Variants in MYO3A observed in about 807,000 individuals in gnomAD.
MYO3A encodes myosin IIIA.
A neutral mutation model predicts 192.7 loss-of-function variants in MYO3A; 180 were observed. That is an observed-to-expected ratio of 0.93 (90% confidence interval 0.83 to 1.06). The LOEUF (loss-of-function observed/expected upper bound fraction) is 1.06. Among genes scored for constraint, MYO3A ranks in the 50% least tolerant of loss-of-function variants. MYO3A has a pLI of 0.00. For synonymous variants in MYO3A, 628 were observed against 645.3 expected (o/e 0.97, Z 0.41); for missense variants, 1,896 against 1,905.0 (o/e 1.00, Z 0.09).
At chr10:26,166,204 AAAAT>A (rs749114754) in intron 27 of MYO3A, 26 bp downstream of exon 27, 1 of 1,524,900 alleles carries the variant, frequency 6.6e-7, no homozygotes, top group Non-Finnish European at 9.1e-7. Flanking sequence ...AATTTTCAGG[AAAAT>A]AAATAATTAT....
intron 14 of MYO3A, among the ~76,000 whole-genome samples, chr10:26,075,750 G>GAT (rs1238427717): frequency 3.6e-4 from 49 of 136,182 alleles, no homozygotes; most frequent in Non-Finnish European, 5.7e-4. Context: ...TCATATATAT[G>GAT]ATATATATAT....
intron 8 of MYO3A, chr10:26,022,626 T>C (rs1480026017): frequency 1.3e-5 from 2 of 152,208 alleles, no homozygotes; most frequent in Non-Finnish European, 2.9e-5. Context: ...GGAAAACCTC[T>C]ATACTAAATC....
chr10:25,969,805 A>G (rs570712151), intron 4 of MYO3A, among the ~76,000 whole-genome samples: 34 of 152,152 alleles, frequency 2.2e-4, no homozygotes, highest in Non-Finnish European at 4.3e-4. Context: ...CCAACTACAA[A>G]CACACTTTAA....
At chr10:25,985,919 C>T (rs934602717) in intron 4 of MYO3A, among the ~76,000 whole-genome samples, 2 of 151,756 alleles carry the variant, frequency 1.3e-5, no homozygotes, top group Non-Finnish European at 3.0e-5. Context: ...CAGAAGAAAA[C>T]TGCATATCCC....
intron 4 of MYO3A, among the ~76,000 whole-genome samples, chr10:25,975,277 C>T (rs1053400529): frequency 3.9e-5 from 6 of 152,144 alleles, no homozygotes; most frequent in African/African-American, 1.4e-4. Flanking sequence ...GCCAGAACCA[C>T]TCCAGGATCA....
chr10:25,998,054 A>G (rs986073821), intron 6 of MYO3A, among the ~76,000 whole-genome samples: 1 of 152,134 alleles, frequency 6.6e-6, no homozygotes, highest in Non-Finnish European at 1.5e-5. Flanking sequence ...ACCTGTGTAT[A>G]CTTCCTTGTT....
At chr10:26,000,677 CTT>C (rs11311143) in intron 6 of MYO3A, among the ~76,000 whole-genome samples, 6,537 of 148,240 alleles carry the variant, frequency 0.044, 179 homozygotes, top group Middle Eastern at 0.07. Flanking sequence ...GTGAGATGAG[CTT>C]TTTTTTTTTT....
intron 4 of MYO3A, among the ~76,000 whole-genome samples, chr10:25,985,420 A>G (rs565915663): frequency 1.3e-5 from 2 of 152,100 alleles, no homozygotes; most frequent in African/African-American, 2.4e-5. Flanking sequence ...AAAACAACAG[A>G]TAAATGAAAT....
At chr10:26,150,206 A>G (rs952546793) in intron 23 of MYO3A, among the ~76,000 whole-genome samples, 3 of 152,162 alleles carry the variant, frequency 2.0e-5, no homozygotes, top group African/African-American at 7.2e-5. Flanking sequence ...GTCATGATGC[A>G]TTGTACTTTT....
At chr10:26,037,694 T>G (rs1843112615) in intron 10 of MYO3A, among the ~76,000 whole-genome samples, 1 of 152,156 alleles carries the variant, frequency 6.6e-6, no homozygotes, top group Admixed American at 6.5e-5. Flanking sequence ...TAAAGAGGTT[T>G]AATTGACTCA....
At chr10:25,981,665 G>C (rs1407480948) in intron 4 of MYO3A, among the ~76,000 whole-genome samples, 3 of 152,228 alleles carry the variant, frequency 2.0e-5, no homozygotes, top group African/African-American at 7.2e-5. Flanking sequence ...TGGCAAATAA[G>C]TACATGAAAA....
At position 26,106,563 on chromosome 10, in the gene MYO3A, T is replaced by A. The variant is rs562667968; in HGVS notation, c.1776+9881T>A. Among the ~76,000 whole-genome samples the A allele has an allele frequency of 2.2e-4, 33 of 152,242 alleles. No individual in the cohort carries two copies. In the East Asian group the frequency reaches 4.0e-3, roughly 19 times the overall value. ...CAATATTAAGTAATAATGATTATAG[T>A]TGGCCTCTGAGTCTAGTTTCTGATT... On this transcript the variant is annotated intron_variant, in intron 17 of 34. Coordinates refer to ENST00000642920, the MANE Select transcript of MYO3A (RefSeq NM_017433.5).
chr10:26,080,993 C>T (rs1358131455), intron 14 of MYO3A, among the ~76,000 whole-genome samples: 4 of 152,138 alleles, frequency 2.6e-5, no homozygotes, highest in Non-Finnish European at 5.9e-5. Flanking sequence ...AGTTTCTTAG[C>T]TTTGGTGGTT....
chr10:26,050,310 A>G (rs1843913476), intron 10 of MYO3A, among the ~76,000 whole-genome samples: 2 of 152,188 alleles, frequency 1.3e-5, no homozygotes, highest in African/African-American at 2.4e-5. Context: ...AAAAACAATC[A>G]TACACTCACC....
chr10:25,970,789 TA>T (rs1463985519), intron 4 of MYO3A, among the ~76,000 whole-genome samples: 1 of 151,930 alleles, frequency 6.6e-6, no homozygotes, highest in Non-Finnish European at 1.5e-5. Flanking sequence ...AATGAAATAT[TA>T]TGAACAACTT....
rs1409911218 is a variant in MYO3A, at chr10:26,147,540, C to T, written c.2616C>T (p.Asn872=). 5 of 1,613,912 alleles carry T rather than the reference C, an allele frequency of 3.1e-6. No individual in the cohort carries two copies. The highest frequency in any genetic ancestry group is 1.3e-5 in the African/African-American group (1 of 74,918). Residue 872 remains asparagine, a synonymous_variant, in exon 23 of 35, where the codon AAC becomes AAT. Transcript: ENST00000642920. ...ACAGTGTAATTAGGCAACTAGTCAA[C>T]CACCCTCTGACCAAAACAGGTAAGA... ...SDNSVIRQLV[N]HPLTKTGNLP... is the part of the protein sequence containing the mutation.
At chr10:25,965,902 C>T (rs1838226302) in intron 4 of MYO3A, among the ~76,000 whole-genome samples, 1 of 151,946 alleles carries the variant, frequency 6.6e-6, no homozygotes, top group South Asian at 2.1e-4. Flanking sequence ...GGGCACCACC[C>T]ATTGGCTACC....
intron 10 of MYO3A, among the ~76,000 whole-genome samples, chr10:26,063,063 T>C (rs550527859): frequency 6.6e-6 from 1 of 152,064 alleles, no homozygotes; most frequent in Non-Finnish European, 1.5e-5. Flanking sequence ...TGCGGAGGGG[T>C]AAATAATTAA....
At chr10:26,123,273 T>C in intron 18 of MYO3A, among the ~76,000 whole-genome samples, 1 of 152,068 alleles carries the variant, frequency 6.6e-6, no homozygotes, top group East Asian at 1.9e-4. Flanking sequence ...ATAAATAAAA[T>C]TGCAGTACAA....
Sources: allele counts gnomAD v4.1 joint callset (sites outside exome capture counted in the v4.1 genomes callset), GRCh38; gene constraint gnomAD v4.1.1; transcripts MANE v1.5; gene names NCBI Gene and HGNC (gene_info 2026-07-23, HGNC 2026-07-21).